The following HIVEP3 variants were observed in gnomAD, a reference collection of about 807,000 sequenced individuals.
The protein encoded by HIVEP3 is transcription factor HIVEP3.
In HIVEP3, 49 loss-of-function variants were observed where a neutral mutation model predicts 152.8. That is an observed-to-expected ratio of 0.32 (90% CI 0.26 to 0.41). The LOEUF is 0.41. Ranked by LOEUF, HIVEP3 falls within the 10% of genes least tolerant of loss-of-function variation. HIVEP3 has a pLI of 1.00. For missense variants in HIVEP3, 2,790 were observed against 3,103.3 expected (o/e 0.90, Z 2.40); for synonymous variants, 1,269 against 1,289.0 (o/e 0.98, Z 0.33).
intron 1 of HIVEP3, among the ~76,000 whole-genome samples, chr1:41,829,499 G>A (rs925995937): frequency 6.6e-6 from 1 of 152,056 alleles, no homozygotes; most frequent in Non-Finnish European, 1.5e-5. Flanking sequence ...AAACCTCTGT[G>A]CATGGAAGTC....
intron 3 of HIVEP3, among the ~76,000 whole-genome samples, chr1:41,601,497 T>G (rs1644747630): frequency 1.3e-5 from 2 of 152,150 alleles, no homozygotes; most frequent in Admixed American, 6.5e-5. Flanking sequence ...CTAAGTATTG[T>G]TTTAGGTGTT....
chr1:41,675,076 C>G (rs554856394), intron 2 of HIVEP3, among the ~76,000 whole-genome samples: 1 of 152,166 alleles, frequency 6.6e-6, no homozygotes, highest in Non-Finnish European at 1.5e-5. Flanking sequence ...CCTGTCCCCC[C>G]ACAGGTACCC....
At chr1:41,616,034 G>A (rs12123032) in intron 3 of HIVEP3, among the ~76,000 whole-genome samples, 1 of 152,034 alleles carries the variant, frequency 6.6e-6, no homozygotes, top group South Asian at 2.1e-4. Context: ...AAGGGGAGAA[G>A]AAATGACTGA....
intron 1 of HIVEP3, among the ~76,000 whole-genome samples, chr1:41,895,846 T>C (rs971966441): frequency 6.6e-6 from 1 of 151,976 alleles, no homozygotes; most frequent in African/African-American, 2.4e-5. Context: ...AAACTGGGAG[T>C]GCTAAGGGCA....
intron 5 of HIVEP3, among the ~76,000 whole-genome samples, chr1:41,569,386 A>T (rs924114841): frequency 6.6e-6 from 1 of 152,208 alleles, no homozygotes. Context: ...AGGTTCTTAG[A>T]GTGGCTTACT....
chr1:41,646,994 T>TG (rs1475373519), intron 2 of HIVEP3, among the ~76,000 whole-genome samples: 1 of 152,174 alleles, frequency 6.6e-6, no homozygotes, highest in Non-Finnish European at 1.5e-5. Context: ...AAGACATCAA[T>TG]GGCCAGGTCA....
At position 41,998,157 on chromosome 1, in the gene HIVEP3, G is replaced by A. The variant is rs573068842; in HGVS notation, n.119+37650C>T. ...TCTGTTAAAAAAAAAGATTAACAAG[G>A]GGATAAATATAAGATTAATTTTTAA... On this transcript the variant is annotated intron_variant and non_coding_transcript_variant, in intron 1 of 3. Coordinates refer to the HIVEP3 transcript ENST00000489103. Among the ~76,000 whole-genome samples the A allele has an allele frequency of 1.8e-4, 28 of 151,924 alleles. No individual in the cohort carries two copies. The South Asian group carries it at 5.8e-3, about 32-fold the overall frequency.
At chr1:41,627,399 C>T (rs1000543222) in intron 3 of HIVEP3, among the ~76,000 whole-genome samples, 14 of 152,216 alleles carry the variant, frequency 9.2e-5, no homozygotes, top group African/African-American at 3.1e-4. Context: ...TGGGTCTACA[C>T]TGTTAAGTAC....
intron 2 of HIVEP3, among the ~76,000 whole-genome samples, chr1:41,695,964 C>T (rs1240151832): frequency 2.0e-5 from 3 of 152,220 alleles, no homozygotes; most frequent in Non-Finnish European, 2.9e-5. Context: ...GGTCAAGTCC[C>T]TGCCACCATC....
chr1:41,612,851 TG>T (rs1185952671), intron 3 of HIVEP3, among the ~76,000 whole-genome samples: 1 of 152,232 alleles, frequency 6.6e-6, no homozygotes, highest in Non-Finnish European at 1.5e-5. Context: ...ATGGAAGAGA[TG>T]GGCAGAGCTG....
chr1:41,581,319 G>A lies in HIVEP3; in HGVS notation c.3479C>T (p.Pro1160Leu). ...CATGGCCTGGGTGGAGAAGAATTCTGGAGACTGTCCTGGCTCATGCTGCAC... is the reference window on the plus strand; with the variant it reads ...CATGGCCTGGGTGGAGAAGAATTCTAGAGACTGTCCTGGCTCATGCTGCAC... ...HLVQHEPGQS[P>L]EFFSTQAMSS... The change falls in exon 4 of 9, where the codon CCA becomes CTA. Residue 1160 changes from proline to leucine, a missense_variant. By Grantham distance (98) the Pro-to-Leu change is moderately conservative (BLOSUM62 -3). Around this residue, in one of 9 missense-constraint regions of HIVEP3, gnomAD observed 1,078 missense variants for 1,165.3 expected, o/e 0.93. Transcript: ENST00000372583. The surrounding 1 kb of genome is among the most constrained non-coding windows in gnomAD (Gnocchi z 4.5). 1 of 1,613,632 alleles carries A rather than the reference G, an allele frequency of 6.2e-7. No individual in the cohort carries two copies. The highest frequency in any genetic ancestry group is 8.5e-7 in the Non-Finnish European group (1 of 1,179,826).
At position 41,917,066 on chromosome 1, in the gene HIVEP3, T is replaced by C. The variant is rs546582041; in HGVS notation, c.-801+1347A>G. On this transcript the variant is annotated intron_variant, in intron 1 of 8. Transcript: ENST00000372583. ...CCTGTATTCTTCACATTTAAGTTGC[T>C]AGAATTATTCCTCCTTGCCCCCACT... Among the ~76,000 whole-genome samples the C allele has an allele frequency of 2.0e-4, 31 of 152,256 alleles. No individual in the cohort carries two copies. The South Asian group carries it at 5.8e-3, about 29-fold the overall frequency.
At chr1:41,694,081 A>AT (rs1477869033) in intron 2 of HIVEP3, among the ~76,000 whole-genome samples, 1 of 151,974 alleles carries the variant, frequency 6.6e-6, no homozygotes. Context: ...TTTATGAAAA[A>AT]TTTTTTTTGG....
rs1127985 is a variant in HIVEP3 at position 41,506,612 on chromosome 1, C to T, written c.*3839G>A. 95,440 of 145,902 alleles carry T rather than the reference C, an allele frequency of 0.65. 30,740 individuals carry two copies. The highest frequency in any genetic ancestry group is 0.79 in the South Asian group (3,706 of 4,682). 9.0% of individuals were successfully genotyped at this position (145,902 alleles called of 1,614,324 possible). A position where few individuals can be genotyped will look rare whatever the true frequency, so the allele number is the denominator to read the frequency against. On this transcript the variant is annotated 3_prime_UTR_variant, in exon 9 of 9. Coordinates refer to ENST00000372583, the MANE Select transcript of HIVEP3 (RefSeq NM_024503.5). Reference sequence around the variant, plus strand: ...TTTTGTTTTTTTTTTTTGTTTGTTTCTGTTTTGTTTTTTCTTTTGCACTGA... The same window carrying T: ...TTTTGTTTTTTTTTTTTGTTTGTTTTTGTTTTGTTTTTTCTTTTGCACTGA...
chr1:41,787,071 T>C (rs1570537628), intron 1 of HIVEP3, among the ~76,000 whole-genome samples: 1 of 152,044 alleles, frequency 6.6e-6, no homozygotes, highest in East Asian at 1.9e-4. Context: ...AATTTCCTAG[T>C]AGCAACATTA....
At position 41,582,859 on chromosome 1, in the gene HIVEP3, T is replaced by C; in HGVS notation, c.1939A>G (p.Ile647Val). Residue 647 changes from isoleucine (I) to valine (V), a missense_variant, in exon 4 of 9, where the codon ATA becomes GTA. Ile to Val is a conservative substitution (Grantham distance 29). Coordinates refer to ENST00000372583, the MANE Select transcript of HIVEP3 (RefSeq NM_024503.5). This position sits in a 1 kb window ranked among gnomAD's most constrained non-coding sequence, Gnocchi z 4.7. Reference sequence around the variant, plus strand: ...CTTTTCTTGTACCGAGCACCACATATGTTACATTCGTAGATCACCCCTTTT... The same window carrying C: ...CTTTTCTTGTACCGAGCACCACATACGTTACATTCGTAGATCACCCCTTTT... The part of the protein sequence containing the change: ...KTKGVIYECN[I>V]CGARYKKRDN... 1 of 1,614,176 alleles carries C rather than the reference T, an allele frequency of 6.2e-7. No individual in the cohort carries two copies. The highest frequency in any genetic ancestry group is 1.7e-5 in the Admixed American group (1 of 60,018).
At chr1:41,523,513 A>AT (rs1215161189) in intron 6 of HIVEP3, among the ~76,000 whole-genome samples, 1 of 152,122 alleles carries the variant, frequency 6.6e-6, no homozygotes, top group East Asian at 1.9e-4. Context: ...GAGACCAGAA[A>AT]TGGGAACACA....
chr1:41,530,323 G>C (rs1031597616), intron 5 of HIVEP3, among the ~76,000 whole-genome samples: 3 of 152,188 alleles, frequency 2.0e-5, no homozygotes, highest in Non-Finnish European at 4.4e-5. Context: ...TCTTAGGAAG[G>C]GCACTCTGTG....
At chr1:41,820,794 A>T (rs1642573456) in intron 1 of HIVEP3, among the ~76,000 whole-genome samples, 1 of 152,234 alleles carries the variant, frequency 6.6e-6, no homozygotes, top group African/African-American at 2.4e-5. Context: ...ATTTTTATGT[A>T]TTTTGCTCAC....
Sources: gnomAD v4.1 joint callset for allele counts (sites outside exome capture counted in the v4.1 genomes callset) on GRCh38, gnomAD v4.1.1 for gene constraint, gnomAD v4.1.1 regional missense constraint, Gnocchi (gnomAD v3.1) non-coding constraint, MANE v1.5 for transcripts, NCBI Gene and HGNC (gene_info 2026-07-23, HGNC 2026-07-21) for gene names.